AGAP2: variants seen among roughly 807,000 people sequenced by gnomAD.
AGAP2 encodes arf-GAP with GTPase, ANK repeat and PH domain-containing protein 2.
Under a neutral mutation model 110.9 loss-of-function variants are expected in AGAP2, and 32 were observed. That is an observed-to-expected ratio of 0.29 (90% confidence interval 0.22 to 0.39). AGAP2 has a LOEUF of 0.39. Among genes scored for constraint, AGAP2 ranks in the 10% least tolerant of loss-of-function variants. The pLI, the probability that AGAP2 is intolerant of heterozygous loss-of-function variation, is 1.00. For synonymous variants in AGAP2, 702 were observed against 713.0 expected, an observed-to-expected ratio of 0.98 and a Z score of 0.25; for missense variants, 1,285 against 1,638.5, an observed-to-expected ratio of 0.78 and a Z score of 3.72.
chr12:57,724,720 CCCT>C (rs1335034273), downstream of AGAP2: 2 of 152,332 alleles, frequency 1.3e-5, no homozygotes, highest in African/African-American at 4.8e-5. Context: ...CTCGGGGCAG[CCCT>C]CCTCAGAGCT....
At chr12:57,740,083 G>A (rs1314813801), upstream of AGAP2, 1 of 152,258 alleles carries the variant, frequency 6.6e-6, no homozygotes, top group Admixed American at 6.5e-5. Flanking sequence ...CCCTTCCCGG[G>A]ACTTGGGGAG....
At chr12:57,735,281 G>A in intron 2 of AGAP2, 88 bp downstream of exon 2, 1 of 1,227,840 alleles carries the variant, frequency 8.1e-7, no homozygotes, top group Non-Finnish European at 1.2e-6. Flanking sequence ...GAGAGAGAGA[G>A]AGAGAAGGAG....
chr12:57,735,396 C>G lies in AGAP2; in HGVS notation c.1200G>C (p.Leu400Phe), dbSNP rs1954961209. The change falls in exon 2 of 19, where the codon TTG becomes TTC. Residue 400 changes from leucine (L) to phenylalanine (F), a missense_variant. Leu to Phe is a conservative substitution (Grantham distance 22, BLOSUM62 0). Around this residue, in one of 7 missense-constraint regions of AGAP2, gnomAD observed 844 missense variants for 941.2 expected, o/e 0.90. Transcript: ENST00000547588. Reference sequence around the variant, plus strand: ...GGCGCAGTTCAGGAATGGAGCGGCTCAAAGTCCATTCCTGGCTATTGATCA... The same window carrying G: ...GGCGCAGTTCAGGAATGGAGCGGCTGAAAGTCCATTCCTGGCTATTGATCA... ...KAVINSQEWTLSRSIPELRLG... is the reference protein window; with the variant it reads ...KAVINSQEWTFSRSIPELRLG... 6.2e-7 allele frequency: 1 copy of G among 1,613,718 alleles called. No individual in the cohort carries two copies.
At chr12:57,736,579 A>G (rs1289978953) in intron 1 of AGAP2, among the ~76,000 whole-genome samples, 1 of 152,192 alleles carries the variant, frequency 6.6e-6, no homozygotes, top group Non-Finnish European at 1.5e-5. Context: ...TCACCGCACG[A>G]AAAACATCAC....
intron 13 of AGAP2, among the ~76,000 whole-genome samples, chr12:57,728,721 G>A (rs962740116): frequency 2.0e-5 from 3 of 152,152 alleles, no homozygotes; most frequent in East Asian, 1.9e-4. Flanking sequence ...GAGTGAACAC[G>A]GGGGAAGGGG....
chr12:57,736,739 C>A (rs1954989590), intron 1 of AGAP2, among the ~76,000 whole-genome samples: 1 of 152,168 alleles, frequency 6.6e-6, no homozygotes, highest in African/African-American at 2.4e-5. Flanking sequence ...GGCAAAGCCC[C>A]GTTTCCATGC....
At chr12:57,741,790 C>T, upstream of AGAP2, 9 of 1,153,544 alleles carry the variant, frequency 7.8e-6, no homozygotes, top group South Asian at 1.1e-4. Context: ...GTATTCTTTC[C>T]CAGAGTCCCA....
At chr12:57,728,296 C>T (rs1470185134) in intron 14 of AGAP2, 22 bp downstream of exon 14, 4 of 1,613,188 alleles carry the variant, frequency 2.5e-6, no homozygotes, top group South Asian at 1.1e-5. Flanking sequence ...CTGAGCGCCC[C>T]TCCCGGCTCC....
chr12:57,727,630 C>T, intron 16 of AGAP2, 48 bp from the exon 17 acceptor site: 1 of 1,589,690 alleles, frequency 6.3e-7, no homozygotes, highest in Non-Finnish European at 8.6e-7. Flanking sequence ...AGCACAGGCA[C>T]CCCGGCATTC....
chr12:57,725,390 C>T lies in AGAP2; in HGVS notation c.*1162G>A, dbSNP rs1248170472. On this transcript the variant is annotated 3_prime_UTR_variant, in exon 19 of 19. Coordinates refer to ENST00000547588, the MANE Select transcript of AGAP2 (RefSeq NM_001122772.3). Reference sequence around the variant, plus strand: ...ACCACTGACACAGACAGCCCAAGGGCTGGGTTGGCTGAGGGAGGCAGGGCT... The same window carrying T: ...ACCACTGACACAGACAGCCCAAGGGTTGGGTTGGCTGAGGGAGGCAGGGCT... The T allele has an allele frequency of 2.0e-5, 3 of 148,876 alleles. No individual in the cohort carries two copies. Among genetic ancestry groups the T allele is most frequent in the South Asian group, 2.1e-4 (1 of 4,678 alleles). The allele number at this position is 148,876 out of a possible 1,614,324, so 9.2% of individuals were successfully genotyped here.
chr12:57,732,959 G>A lies in AGAP2; in HGVS notation c.1570C>T (p.Pro524Ser), dbSNP rs777233953. Reference protein sequence around the residue: ...GTQDRISASSPRVVGDARARA... With the variant: ...GTQDRISASSSRVVGDARARA... Reference sequence around the variant, plus strand: ...GCACGAGCATCTCCCACCACCCGAGGGGAGGAAGCACTGATCCTGTCTGAG... The same window carrying A: ...GCACGAGCATCTCCCACCACCCGAGAGGAGGAAGCACTGATCCTGTCTGAG... The change falls in exon 6 of 19, where the codon CCT (proline) becomes TCT (serine). Residue 524 changes from proline to serine, a missense_variant. Pro to Ser is a moderately conservative substitution (Grantham distance 74). Transcript: ENST00000547588. 2 of 1,614,038 alleles carry A rather than the reference G, an allele frequency of 1.2e-6. No individual in the cohort carries two copies. The highest frequency in any genetic ancestry group is 1.3e-5 in the African/African-American group (1 of 75,050).
intron 5 of AGAP2, 138 bp from the exon 6 acceptor site, chr12:57,733,117 C>T (rs1015034173): frequency 1.7e-6 from 2 of 1,153,002 alleles, no homozygotes; most frequent in African/African-American, 3.1e-5. Flanking sequence ...TTTCTGTGAC[C>T]AGGTGGAATG....
Position 57,738,415 on chromosome 12 carries a change from C to G in AGAP2, c.-169G>C, listed in dbSNP as rs1406423401. The stretch of plus-strand genomic sequence containing the variant: ...CCTCCGCCGCCTCCGCTTGCGCCCC[C>G]CTCCCATCACATGGGGCGCCCCCTC... On this transcript the variant is annotated 5_prime_UTR_variant, in exon 1 of 19. Coordinates refer to ENST00000547588, the MANE Select transcript of AGAP2 (RefSeq NM_001122772.3). The surrounding 1 kb of genome is among the most constrained non-coding windows in gnomAD (Gnocchi z 6.7). 1 of 667,588 alleles carries G rather than the reference C, an allele frequency of 1.5e-6. No individual in the cohort carries two copies. Among genetic ancestry groups the G allele is most frequent in the Non-Finnish European group, 1.9e-6 (1 of 539,316 alleles). The allele number at this position is 667,588 out of a possible 1,614,324, so 41.4% of individuals were successfully genotyped here.
Position 57,736,087 on chromosome 12 carries a change from T to C in AGAP2, c.1169-660A>G, listed in dbSNP as rs1004754682. Among the ~76,000 whole-genome samples, 9 of 152,172 alleles carry C rather than the reference T, an allele frequency of 5.9e-5. No individual in the cohort carries two copies. The East Asian group carries it at 1.7e-3, about 29-fold the overall frequency. On this transcript the variant is annotated intron_variant, in intron 1 of 18. Coordinates refer to ENST00000547588, the MANE Select transcript of AGAP2 (RefSeq NM_001122772.3). ...GCCACAGGCCCGGGGGAAAGGATGC[T>C]CCTTCCGCCAGCCAGGTCCAGCCCC...
In AGAP2 at chr12:57,729,763, A is replaced by C; in HGVS notation, c.2433T>G (p.Cys811Trp). The C allele has an allele frequency of 6.2e-7, 1 of 1,612,174 alleles. No individual in the cohort carries two copies. Among genetic ancestry groups the C allele is most frequent in the Admixed American group, 1.7e-5 (1 of 59,872 alleles). ...GGGGGCTCAGGTCTCCAGATGGGGTACAGTCTTAGGGAGGAAGACACAGCT... is the reference window on the plus strand; with the variant it reads ...GGGGGCTCAGGTCTCCAGATGGGGTCCAGTCTTAGGGAGGAAGACACAGCT... ...RNLARALSTDCTPSGDLSPLS... is the reference protein window; with the variant it reads ...RNLARALSTDWTPSGDLSPLS... Residue 811 changes from cysteine (C) to tryptophan (W), a missense_variant, in exon 13 of 19, where the codon TGT (cysteine) becomes TGG (tryptophan). Cys to Trp is a radical substitution (Grantham distance 215, BLOSUM62 -2). Transcript: ENST00000547588.
chr12:57,732,795 C>T lies in AGAP2; in HGVS notation c.1684+50G>A, dbSNP rs764491606. 4.3e-6 allele frequency: 7 copies of T among 1,609,996 alleles called. No individual in the cohort carries two copies. In the Admixed American group the frequency reaches 1.0e-4, roughly 23 times the overall value. On this transcript the variant is annotated intron_variant, in intron 6 of 18. Coordinates refer to ENST00000547588, the MANE Select transcript of AGAP2 (RefSeq NM_001122772.3). ...GGATGCCTGACCACTGAGAATATCC[C>T]AGGCCCCTTGCTCTGGCTTCCCACA... is the stretch of plus-strand genomic sequence containing the variant.
At chr12:57,724,546 T>C (rs1043407458), downstream of AGAP2, 7 of 152,248 alleles carry the variant, frequency 4.6e-5, no homozygotes, top group Non-Finnish European at 7.3e-5. Flanking sequence ...CTGCATCAGC[T>C]GACACTGAGT....
In AGAP2 at chr12:57,729,119, T is replaced by C. The variant is rs1343247003; in HGVS notation, c.2557+520A>G. ...TGAACCCGGGAGGCAGAGCTTGCAG[T>C]GAGCCGAGATCGCACCACTGTACTC... On this transcript the variant is annotated intron_variant, in intron 13 of 18. Transcript: ENST00000547588. Among the ~76,000 whole-genome samples, 3 of 136,978 alleles carry C rather than the reference T, an allele frequency of 2.2e-5. No individual in the cohort carries two copies. The East Asian group carries it at 6.3e-4, about 29-fold the overall frequency. 89.9% of individuals were successfully genotyped at this position (136,978 alleles called of 152,430 possible).
chr12:57,726,560 G>A lies in AGAP2; in HGVS notation c.3571C>T (p.Leu1191=). Residue 1191 remains leucine, a synonymous_variant, in exon 19 of 19, where the codon CTG becomes TTG. Transcript: ENST00000547588. The surrounding 1 kb of genome is among the most constrained non-coding windows in gnomAD (Gnocchi z 5.7). ...TCTCTCCCGCTGGGCAACTATACCAGCGCAACCGGGGCGTCGGCGCGGCCC... is the reference window on the plus strand; with the variant it reads ...TCTCTCCCGCTGGGCAACTATACCAACGCAACCGGGGCGTCGGCGCGGCCC... The part of the protein sequence containing the change: ...SVGRADAPVA[L]V The A allele has an allele frequency of 8.2e-7, 1 of 1,212,678 alleles. No homozygotes were observed. The highest frequency in any genetic ancestry group is 1.0e-6 in the Non-Finnish European group (1 of 974,348). 75.1% of individuals were successfully genotyped at this position (1,212,678 alleles called of 1,614,324 possible).
Sources: gnomAD v4.1 joint callset for allele counts (sites outside exome capture counted in the v4.1 genomes callset) on GRCh38, gnomAD v4.1.1 for gene constraint, gnomAD v4.1.1 regional missense constraint, Gnocchi (gnomAD v3.1) non-coding constraint, MANE v1.5 for transcripts, NCBI Gene and HGNC (gene_info 2026-07-23, HGNC 2026-07-21) for gene names.